The following RB1CC1 variants were observed in gnomAD, a reference collection of about 807,000 sequenced individuals.
RB1CC1 encodes the protein RB1 inducible coiled-coil 1, also known as RB1-inducible coiled-coil protein 1.
In RB1CC1, 46 loss-of-function variants were observed where a neutral mutation model predicts 177.5. That is an observed-to-expected ratio of 0.26 (90% confidence interval 0.20 to 0.33). The LOEUF (loss-of-function observed/expected upper bound fraction) is 0.33, where lower values mean the gene tolerates loss of function less well. Among genes scored for constraint, RB1CC1 ranks in the 10% least tolerant of loss-of-function variants. The pLI, the probability that RB1CC1 is intolerant of heterozygous loss-of-function variation, is 1.00. For missense variants in RB1CC1, 1,703 were observed against 1,816.3 expected, an observed-to-expected ratio of 0.94 and a Z score of 1.13; for synonymous variants, 666 against 613.6, an observed-to-expected ratio of 1.09 and a Z score of -1.26.
chr8:52,660,149 G>A (rs1851481447), intron 12 of RB1CC1, among the ~76,000 whole-genome samples: 2 of 152,176 alleles, frequency 1.3e-5, no homozygotes, highest in South Asian at 4.1e-4. Flanking sequence ...TTTAATTCCA[G>A]TGAAGTCTAA....
intron 15 of RB1CC1, among the ~76,000 whole-genome samples, chr8:52,651,462 A>G (rs1415526009): frequency 6.6e-6 from 1 of 152,232 alleles, no homozygotes; most frequent in Non-Finnish European, 1.5e-5. Context: ...GGCCTTTATA[A>G]AAGTTTGCCA....
At chr8:52,688,946 G>GA (rs1222942195) in intron 1 of RB1CC1, among the ~76,000 whole-genome samples, 2 of 152,122 alleles carry the variant, frequency 1.3e-5, no homozygotes, top group Non-Finnish European at 2.9e-5. Flanking sequence ...GGATGTCAAA[G>GA]AAAAAATGTG....
intron 1 of RB1CC1, among the ~76,000 whole-genome samples, chr8:52,705,943 T>C (rs113919586): frequency 4.6e-5 from 7 of 152,318 alleles, no homozygotes; most frequent in African/African-American, 1.7e-4. Context: ...ATTTACAGTA[T>C]ATATTATGTG....
chr8:52,694,301 G>C (rs1453570302), intron 1 of RB1CC1, among the ~76,000 whole-genome samples: 1 of 152,168 alleles, frequency 6.6e-6, no homozygotes, highest in Non-Finnish European at 1.5e-5. Context: ...GAAGAGGAGG[G>C]TGATTCAGGA....
chr8:52,631,872 C>T (rs1848787150), intron 20 of RB1CC1, among the ~76,000 whole-genome samples: 1 of 152,186 alleles, frequency 6.6e-6, no homozygotes, highest in Non-Finnish European at 1.5e-5. Flanking sequence ...CTTTGCAATG[C>T]CAGCGCTCTG....
chr8:52,655,199 C>T (rs917168866), intron 15 of RB1CC1, among the ~76,000 whole-genome samples: 2 of 152,008 alleles, frequency 1.3e-5, no homozygotes, highest in African/African-American at 4.8e-5. Flanking sequence ...GGAGGTTTAA[C>T]AGTATACCAA....
intron 1 of RB1CC1, among the ~76,000 whole-genome samples, chr8:52,690,019 G>A (rs766214113): frequency 1.8e-4 from 28 of 152,208 alleles, no homozygotes; most frequent in Non-Finnish European, 1.3e-4. Context: ...TATGTGGAGA[G>A]TGACAGGGAA....
At chr8:52,645,674 C>G (rs1563368391) in intron 16 of RB1CC1, 28 bp downstream of exon 16, 1 of 1,594,082 alleles carries the variant, frequency 6.3e-7, no homozygotes, top group Non-Finnish European at 8.5e-7. Context: ...CTTTAGTTCT[C>G]AAATGAAATG....
At chr8:52,685,312 C>T (rs1854174139) in intron 3 of RB1CC1, 87 bp downstream of exon 3, 1 of 1,040,840 alleles carries the variant, frequency 9.6e-7, no homozygotes, top group South Asian at 1.4e-5. Context: ...CCGCCATTAT[C>T]CTACTTTTTA....
At chr8:52,676,597 A>C in intron 5 of RB1CC1, 26 bp from the exon 6 acceptor site, 1 of 1,571,044 alleles carries the variant, frequency 6.4e-7, no homozygotes, top group Non-Finnish European at 8.7e-7. Context: ...ATACAAAAGA[A>C]AGTAAAAGAA....
At chr8:52,668,270 G>T in intron 7 of RB1CC1, 79 bp from the exon 8 acceptor site, 1 of 1,472,748 alleles carries the variant, frequency 6.8e-7, no homozygotes, top group East Asian at 2.3e-5. Flanking sequence ...CTGACATACA[G>T]CTTGAGAGAA....
intron 13 of RB1CC1, 93 bp downstream of exon 13, chr8:52,658,780 C>G (rs989151667): frequency 1.3e-6 from 1 of 778,602 alleles, no homozygotes; most frequent in Non-Finnish European, 1.9e-6. Context: ...TATCTTGGCA[C>G]CTCTTAAGAT....
chr8:52,634,812 A>T, intron 20 of RB1CC1, 109 bp downstream of exon 20: 2 of 937,752 alleles, frequency 2.1e-6, no homozygotes, highest in East Asian at 2.7e-5. Context: ...AACCTACTAT[A>T]GATAAGTCAA....
At chr8:52,635,234 T>TA (rs767363807) in intron 19 of RB1CC1, among the ~76,000 whole-genome samples, 46 of 152,170 alleles carry the variant, frequency 3.0e-4, no homozygotes, top group African/African-American at 8.4e-4. Flanking sequence ...AAATATGTAG[T>TA]AAAAATCTGA....
chr8:52,702,857 A>C (rs1045309609), intron 1 of RB1CC1, among the ~76,000 whole-genome samples: 1 of 151,908 alleles, frequency 6.6e-6, no homozygotes, highest in Non-Finnish European at 1.5e-5. Flanking sequence ...CAGAAAAAAA[A>C]AAGAAATCAC....
chr8:52,690,779 C>T lies in RB1CC1; in HGVS notation c.-166-3812G>A, dbSNP rs563939555. Among the ~76,000 whole-genome samples, 9 of 152,312 alleles carry T rather than the reference C, an allele frequency of 5.9e-5. No homozygotes were observed. The East Asian group carries it at 1.5e-3, about 26-fold the overall frequency. ...ACAAAGAACTCCCGTCCCCCTTACT[C>T]AGATCACCAACTGTGAACACTTGTG... is the stretch of plus-strand genomic sequence containing the variant. On this transcript the variant is annotated intron_variant, in intron 1 of 23. Coordinates refer to ENST00000025008, the MANE Select transcript of RB1CC1 (RefSeq NM_014781.5).
At chr8:52,706,853 G>C (rs1411581719) in intron 1 of RB1CC1, among the ~76,000 whole-genome samples, 1 of 151,994 alleles carries the variant, frequency 6.6e-6, no homozygotes, top group Non-Finnish European at 1.5e-5. Context: ...GTAGAGACAG[G>C]GTTTCGCCAT....
intron 11 of RB1CC1, 74 bp downstream of exon 11, chr8:52,660,852 T>G: frequency 2.3e-6 from 3 of 1,306,382 alleles, no homozygotes; most frequent in Non-Finnish European, 3.2e-6. Flanking sequence ...ACATGAAGTA[T>G]GCTACAGAAA....
intron 19 of RB1CC1, 129 bp downstream of exon 19, chr8:52,635,886 A>C: frequency 6.0e-6 from 7 of 1,163,412 alleles, no homozygotes; most frequent in Non-Finnish European, 8.3e-6. Context: ...TGACCACAAA[A>C]ATAAGTTAAT....
Sources: gnomAD v4.1 joint callset for allele counts (sites outside exome capture counted in the v4.1 genomes callset) on GRCh38, gnomAD v4.1.1 for gene constraint, MANE v1.5 for transcripts, NCBI Gene and HGNC (gene_info 2026-07-23, HGNC 2026-07-21) for gene names.